EPHB1: variants seen among roughly 807,000 people sequenced by gnomAD.
EPHB1 encodes the protein EPH receptor B1, also known as ephrin type-B receptor 1.
A neutral mutation model predicts 94.4 loss-of-function variants in EPHB1; 30 were observed. That is an observed-to-expected ratio of 0.32 (90% CI 0.24 to 0.43). The LOEUF (loss-of-function observed/expected upper bound fraction) is 0.43. Ranked by LOEUF, EPHB1 falls within the 20% of genes least tolerant of loss-of-function variation. The pLI, the probability that EPHB1 is intolerant of heterozygous loss-of-function variation, is 1.00. For missense variants in EPHB1, 1,055 were observed against 1,308.3 expected, an observed-to-expected ratio of 0.81 and a Z score of 2.99; for synonymous variants, 522 against 489.1, an observed-to-expected ratio of 1.07 and a Z score of -0.89.
intron 11 of EPHB1, among the ~76,000 whole-genome samples, chr3:135,194,831 C>A (rs1246207549): frequency 6.6e-6 from 1 of 152,158 alleles, no homozygotes. Flanking sequence ...ACTCCAATAC[C>A]TAACACAGTG....
intron 3 of EPHB1, among the ~76,000 whole-genome samples, chr3:135,006,644 A>C (rs1429263235): frequency 6.6e-6 from 1 of 152,212 alleles, no homozygotes; most frequent in African/African-American, 2.4e-5. Flanking sequence ...AGTCTGGGCA[A>C]CATAGTGAGA....
chr3:134,883,720 C>G (rs2037807616), intron 1 of EPHB1, among the ~76,000 whole-genome samples: 1 of 152,164 alleles, frequency 6.6e-6, no homozygotes, highest in South Asian at 2.1e-4. Context: ...ACAAGGGGAT[C>G]ACTTCTGTTC....
chr3:134,986,820 C>T (rs546048327), intron 3 of EPHB1, among the ~76,000 whole-genome samples: 1 of 151,868 alleles, frequency 6.6e-6, no homozygotes, highest in Admixed American at 6.6e-5. Flanking sequence ...TTAACACCAA[C>T]AAAAAATTTT....
At chr3:135,224,426 T>C (rs1331973188) in intron 12 of EPHB1, among the ~76,000 whole-genome samples, 4 of 152,226 alleles carry the variant, frequency 2.6e-5, no homozygotes, top group African/African-American at 9.6e-5. Flanking sequence ...TGTTGTGTCC[T>C]TCCTAGGCTA....
intron 4 of EPHB1, among the ~76,000 whole-genome samples, chr3:135,121,825 A>G (rs1251046024): frequency 6.6e-6 from 1 of 150,894 alleles, no homozygotes; most frequent in Non-Finnish European, 1.5e-5. Flanking sequence ...TTTTAATTGT[A>G]CAGGTGTGCA....
At chr3:135,138,484 G>A (rs1417821650) in intron 5 of EPHB1, among the ~76,000 whole-genome samples, 3 of 152,106 alleles carry the variant, frequency 2.0e-5, no homozygotes, top group Non-Finnish European at 4.4e-5. Flanking sequence ...AATATATTGA[G>A]CTCTTTGGAG....
chr3:135,010,846 G>C (rs546095307), intron 3 of EPHB1, among the ~76,000 whole-genome samples: 37 of 152,278 alleles, frequency 2.4e-4, no homozygotes, highest in Middle Eastern at 6.8e-3. Flanking sequence ...ACAGGAGTGA[G>C]CCACCGTGCC....
At chr3:135,211,750 G>A (rs1456186469) in intron 12 of EPHB1, among the ~76,000 whole-genome samples, 3 of 151,988 alleles carry the variant, frequency 2.0e-5, no homozygotes, top group Non-Finnish European at 2.9e-5. Flanking sequence ...TATTTCTCTG[G>A]CTGCTTCCAA....
At chr3:134,997,231 C>T (rs1278164502) in intron 3 of EPHB1, among the ~76,000 whole-genome samples, 3 of 152,182 alleles carry the variant, frequency 2.0e-5, no homozygotes, top group Non-Finnish European at 4.4e-5. Context: ...TGTTTCATCA[C>T]TTCTCAGGTC....
At chr3:134,833,772 G>T (rs2036621814) in intron 1 of EPHB1, among the ~76,000 whole-genome samples, 1 of 152,184 alleles carries the variant, frequency 6.6e-6, no homozygotes, top group Non-Finnish European at 1.5e-5. Flanking sequence ...TAAAGGGCGT[G>T]CCTGGCAAGT....
intron 2 of EPHB1, among the ~76,000 whole-genome samples, chr3:134,938,581 T>C (rs1031352076): frequency 6.6e-6 from 1 of 152,020 alleles, no homozygotes; most frequent in Non-Finnish European, 1.5e-5. Flanking sequence ...GCACAGGTGC[T>C]GACAGACAGA....
At chr3:135,139,090 A>G (rs558620521) in intron 5 of EPHB1, among the ~76,000 whole-genome samples, 19 of 152,316 alleles carry the variant, frequency 1.2e-4, no homozygotes, top group African/African-American at 4.6e-4. Context: ...GAGAGCCTTG[A>G]TAAATATTTG....
intron 2 of EPHB1, among the ~76,000 whole-genome samples, chr3:134,934,216 C>A (rs2038957438): frequency 6.6e-6 from 1 of 152,236 alleles, no homozygotes; most frequent in Non-Finnish European, 1.5e-5. Flanking sequence ...TTCTATGAAG[C>A]AATGAGGAAC....
chr3:134,835,611 G>T (rs1288305742), intron 1 of EPHB1, among the ~76,000 whole-genome samples: 1 of 152,194 alleles, frequency 6.6e-6, no homozygotes, highest in East Asian at 1.9e-4. Context: ...CAAGATTCCA[G>T]CCCAGAGCAG....
intron 3 of EPHB1, among the ~76,000 whole-genome samples, chr3:135,024,214 T>C (rs1029671515): frequency 1.2e-4 from 19 of 152,208 alleles, no homozygotes; most frequent in African/African-American, 4.6e-4. Context: ...GAGACTCAGT[T>C]GAAGCATGGT....
chr3:134,957,771 CT>C, intron 3 of EPHB1, among the ~76,000 whole-genome samples: 1 of 152,276 alleles, frequency 6.6e-6, no homozygotes. Context: ...ATGATCAAAC[CT>C]GCAGGACTCC....
chr3:134,983,881 C>T (rs1934502829), intron 3 of EPHB1, among the ~76,000 whole-genome samples: 1 of 152,178 alleles, frequency 6.6e-6, no homozygotes, highest in Non-Finnish European at 1.5e-5. Context: ...GCAGTATTGC[C>T]ACCATGCTGT....
At chr3:135,227,455 CA>C (rs1180788084) in intron 12 of EPHB1, among the ~76,000 whole-genome samples, 1 of 151,968 alleles carries the variant, frequency 6.6e-6, no homozygotes, top group African/African-American at 2.4e-5. Flanking sequence ...ATTTTACTCT[CA>C]AAAAAATGGT....
chr3:134,983,784 C>A (rs1396949983), intron 3 of EPHB1, among the ~76,000 whole-genome samples: 1 of 152,224 alleles, frequency 6.6e-6, no homozygotes, highest in South Asian at 2.1e-4. Flanking sequence ...TCTCCTTAGA[C>A]CCTTTGCATA....
Sources: allele counts gnomAD v4.1 joint callset (sites outside exome capture counted in the v4.1 genomes callset), GRCh38; gene constraint gnomAD v4.1.1; transcripts MANE v1.5; gene names NCBI Gene and HGNC (gene_info 2026-07-23, HGNC 2026-07-21).